Variants in PTPRD observed in about 807,000 individuals in gnomAD.
PTPRD encodes protein tyrosine phosphatase receptor type D, also known as receptor-type tyrosine-protein phosphatase delta.
A neutral mutation model predicts 214.5 loss-of-function variants in PTPRD; 34 were observed. That is an observed-to-expected ratio of 0.16 (90% CI 0.12 to 0.21). The LOEUF (loss-of-function observed/expected upper bound fraction) is 0.21. Among genes scored for constraint, PTPRD ranks in the 10% least tolerant of loss-of-function variants. The probability of loss-of-function intolerance (pLI) is 1.00; values close to 1 mark genes in which losing one functional copy is unlikely to be tolerated. For synonymous variants in PTPRD, 1,128 were observed against 845.7 expected (o/e 1.33, Z -5.79); for missense variants, 2,545 against 2,398.7 (o/e 1.06, Z -1.27).
chr9:9,639,187 C>T (rs2095861250), intron 7 of PTPRD, among the ~76,000 whole-genome samples: 1 of 152,140 alleles, frequency 6.6e-6, no homozygotes, highest in African/African-American at 2.4e-5. Flanking sequence ...AGCAGCCTAA[C>T]TTATTGTGTT....
intron 39 of PTPRD, among the ~76,000 whole-genome samples, chr9:8,346,664 G>GT (rs201387559): frequency 0.012 from 1,868 of 152,146 alleles, 20 homozygotes; most frequent in Non-Finnish European, 0.018. Context: ...GTATTGTAGT[G>GT]TTTGTCTTCA....
intron 9 of PTPRD, among the ~76,000 whole-genome samples, chr9:9,353,580 A>G (rs948047917): frequency 1.6e-4 from 25 of 151,726 alleles, no homozygotes; most frequent in African/African-American, 6.0e-4. Flanking sequence ...TTCACTTTAC[A>G]TAGGACCTTG....
intron 2 of PTPRD, among the ~76,000 whole-genome samples, chr9:10,470,691 T>C (rs1377150743): frequency 2.0e-5 from 3 of 152,200 alleles, no homozygotes; most frequent in Non-Finnish European, 2.9e-5. Flanking sequence ...TTCTCCCCAG[T>C]TGTGACAAGC....
chr9:10,586,618 G>A lies in PTPRD; in HGVS notation c.-600+25780C>T, dbSNP rs553098436. On this transcript the variant is annotated intron_variant, in intron 2 of 45. Transcript: ENST00000381196. ...TATGTTCTTATATGTCTTTCATCAG[G>A]TTTGCTTGCGGGCATAAGACTTTCT... Among the ~76,000 whole-genome samples the A allele has an allele frequency of 2.0e-5, 3 of 152,130 alleles. No individual in the cohort carries two copies. In the South Asian group the frequency reaches 6.2e-4, roughly 32 times the overall value.
At chr9:9,392,306 T>C (rs1449921326) in intron 9 of PTPRD, among the ~76,000 whole-genome samples, 1 of 152,178 alleles carries the variant, frequency 6.6e-6, no homozygotes, top group African/African-American at 2.4e-5. Context: ...CTGCTTACAA[T>C]GCAAAGTTAT....
At chr9:9,499,135 A>G (rs900811316) in intron 8 of PTPRD, among the ~76,000 whole-genome samples, 1 of 152,102 alleles carries the variant, frequency 6.6e-6, no homozygotes, top group Admixed American at 6.6e-5. Flanking sequence ...TGGAAGAAAA[A>G]TCCTATTGTT....
intron 7 of PTPRD, among the ~76,000 whole-genome samples, chr9:9,722,842 T>C (rs972787128): frequency 5.9e-5 from 9 of 152,230 alleles, no homozygotes; most frequent in African/African-American, 2.2e-4. Context: ...ACCATTTCTA[T>C]ACCTTTGGAG....
intron 3 of PTPRD, among the ~76,000 whole-genome samples, chr9:10,059,093 G>A (rs1567387668): frequency 6.6e-6 from 1 of 152,066 alleles, no homozygotes; most frequent in Non-Finnish European, 1.5e-5. Flanking sequence ...ATGTGTAGAG[G>A]CAACTACTTC....
intron 2 of PTPRD, among the ~76,000 whole-genome samples, chr9:10,541,944 A>G (rs769986381): frequency 1.3e-5 from 2 of 152,204 alleles, no homozygotes; most frequent in Non-Finnish European, 2.9e-5. Context: ...AAGTTCCATT[A>G]ATTGGCATAA....
intron 2 of PTPRD, among the ~76,000 whole-genome samples, chr9:10,560,881 A>T (rs1038934391): frequency 1.3e-5 from 2 of 152,194 alleles, no homozygotes; most frequent in African/African-American, 4.8e-5. Flanking sequence ...CCTGTCCATC[A>T]CTGTGGAAAG....
At chr9:9,060,897 C>A (rs1336380587) in intron 10 of PTPRD, among the ~76,000 whole-genome samples, 2 of 152,064 alleles carry the variant, frequency 1.3e-5, no homozygotes, top group Non-Finnish European at 2.9e-5. Flanking sequence ...ATGATAGAAT[C>A]CTATTCAGCA....
chr9:8,340,488 A>G lies in PTPRD; in HGVS notation c.5127-19T>C. The G allele has an allele frequency of 6.4e-7, 1 of 1,552,662 alleles. No individual in the cohort carries two copies. The highest frequency in any genetic ancestry group is 8.8e-7 in the Non-Finnish European group (1 of 1,136,562). On this transcript the variant is annotated intron_variant, in intron 41 of 45. Coordinates refer to ENST00000381196, the MANE Select transcript of PTPRD (RefSeq NM_002839.4). Reference sequence around the variant, plus strand: ...CTGTTGTCTGAATTACAGAGAATGAAAAGAATGTGTTAAAGTATTTAGAGA... The same window carrying G: ...CTGTTGTCTGAATTACAGAGAATGAGAAGAATGTGTTAAAGTATTTAGAGA...
rs561107173 is a variant in PTPRD at position 9,175,602 on chromosome 9, AAC to A, written c.-143+7700_-143+7701del. 3.4e-4 allele frequency among the ~76,000 whole-genome samples: 47 copies of A among 136,476 alleles called. No individual in the cohort carries two copies. The South Asian group carries it at 9.5e-3, about 28-fold the overall frequency. 89.5% of individuals were successfully genotyped at this position (136,476 alleles called of 152,430 possible). A position where few individuals can be genotyped will look rare whatever the true frequency, so the allele number is the denominator to read the frequency against. ...TGCGCTGCTGCACTCCAGCTTGGGC[AAC>A]AGAGTGAGACTCTGTCTCAAAAAAA... On this transcript the variant is annotated intron_variant, in intron 10 of 45. Coordinates refer to ENST00000381196, the MANE Select transcript of PTPRD (RefSeq NM_002839.4).
rs141435288 is a variant in PTPRD, at chr9:9,759,541, T to C, written c.-326+7269A>G. On this transcript the variant is annotated intron_variant, in intron 6 of 45. Coordinates refer to ENST00000381196, the MANE Select transcript of PTPRD (RefSeq NM_002839.4). ...AGAAAATGATGCAAACATCTTCAAA[T>C]AGTCAAGGTCTGTCTTTTTTTTTTT... Among the ~76,000 whole-genome samples, 38 of 150,924 alleles carry C rather than the reference T, an allele frequency of 2.5e-4. 1 individual carries two copies. The East Asian group carries it at 6.2e-3, about 25-fold the overall frequency.
chr9:8,783,096 CA>C (rs1362760998), intron 11 of PTPRD, among the ~76,000 whole-genome samples: 2 of 152,142 alleles, frequency 1.3e-5, no homozygotes, highest in Admixed American at 1.3e-4. Flanking sequence ...GAGCAAATTA[CA>C]GCATATCAAC....
intron 8 of PTPRD, among the ~76,000 whole-genome samples, chr9:9,467,686 G>C (rs1469787897): frequency 1.3e-5 from 2 of 148,208 alleles, no homozygotes; most frequent in African/African-American, 5.0e-5. Context: ...ATATTCTTGT[G>C]TTAAATTTCT....
Position 10,402,009 on chromosome 9 carries a change from A to G in PTPRD, c.-599-60992T>C, listed in dbSNP as rs115916916. The stretch of plus-strand genomic sequence containing the variant: ...AATAAAACACCCTATAAGAAATCCA[A>G]TTCTAAAATGAGATTTGAAAAATAT... On this transcript the variant is annotated intron_variant, in intron 2 of 45. Coordinates refer to ENST00000381196, the MANE Select transcript of PTPRD (RefSeq NM_002839.4). Among the ~76,000 whole-genome samples the G allele has an allele frequency of 7.6e-3, 1,158 of 151,634 alleles. 15 individuals carry two copies. The highest frequency in any genetic ancestry group is 0.026 in the African/African-American group (1,077 of 41,474).
At chr9:8,470,930 A>AG (rs3215748) in intron 31 of PTPRD, 65 bp downstream of exon 31, 1 of 1,424,080 alleles carries the variant, frequency 7.0e-7, no homozygotes, top group Non-Finnish European at 9.9e-7. Context: ...CCTCCAAGGG[A>AG]GGGGGGCGGA....
intron 5 of PTPRD, among the ~76,000 whole-genome samples, chr9:9,772,038 G>A (rs62534716): frequency 0.037 from 5,651 of 152,144 alleles, 176 homozygotes; most frequent in Non-Finnish European, 0.058. Context: ...TTCCTGTGTT[G>A]AAGTCCTAAC....
Sources: gnomAD v4.1 joint callset for allele counts (sites outside exome capture counted in the v4.1 genomes callset) on GRCh38, gnomAD v4.1.1 for gene constraint, MANE v1.5 for transcripts, NCBI Gene and HGNC (gene_info 2026-07-23, HGNC 2026-07-21) for gene names.